The following DPP6 variants were observed in gnomAD, a reference collection of about 807,000 sequenced individuals.
DPP6 encodes A-type potassium channel modulatory protein DPP6.
In DPP6, 69 loss-of-function variants were observed where a neutral mutation model predicts 122.6. The ratio of observed to expected loss-of-function variants is 0.56; its 90% CI spans 0.46 to 0.69. The LOEUF (loss-of-function observed/expected upper bound fraction) is 0.69, where lower values mean the gene tolerates loss of function less well. DPP6 is among the 30% of genes least tolerant of loss of function. DPP6 has a pLI of 0.00. For synonymous variants in DPP6, 418 were observed against 433.1 expected (o/e 0.97, Z 0.43); for missense variants, 928 against 1,116.9 (o/e 0.83, Z 2.41).
chr7:154,626,297 A>G (rs2130876755), intron 5 of DPP6, among the ~76,000 whole-genome samples: 1 of 152,350 alleles, frequency 6.6e-6, no homozygotes, highest in East Asian at 1.9e-4. Context: ...CTATTTCTGG[A>G]TGTCACAGAT....
intron 5 of DPP6, among the ~76,000 whole-genome samples, chr7:154,576,879 C>G (rs1486126907): frequency 6.6e-6 from 1 of 152,052 alleles, no homozygotes; most frequent in African/African-American, 2.4e-5. Flanking sequence ...TCAGAAACAC[C>G]GGGTCTGGGA....
At chr7:153,817,182 C>G in the DPP6 span, among the ~76,000 whole-genome samples, 1 of 148,112 alleles carries the variant, frequency 6.8e-6, no homozygotes, top group East Asian at 2.0e-4. Context: ...CTGCCTCCAA[C>G]TAAATTTAGG....
intron 1 of DPP6, among the ~76,000 whole-genome samples, chr7:154,443,022 C>T (rs755271492): frequency 1.9e-4 from 29 of 152,174 alleles, no homozygotes; most frequent in Non-Finnish European, 3.1e-4. Context: ...GCACCTGGCC[C>T]TCAGGCTCTG....
intron 1 of DPP6, among the ~76,000 whole-genome samples, chr7:154,364,996 C>A (rs761921993): frequency 6.6e-6 from 1 of 152,212 alleles, no homozygotes; most frequent in African/African-American, 2.4e-5. Context: ...AATCTACAGA[C>A]AACCCAGAGA....
chr7:153,968,811 C>G (rs1795879514), intron 1 of DPP6: 1 of 151,290 alleles, frequency 6.6e-6, no homozygotes, highest in African/African-American at 2.5e-5. Context: ...CCAAAAACAA[C>G]TATCATTCCG....
chr7:154,180,497 GATAT>G (rs1798026235), intron 1 of DPP6, among the ~76,000 whole-genome samples: 1 of 140,938 alleles, frequency 7.1e-6, no homozygotes. Flanking sequence ...AATAGATATA[GATAT>G]ATAAATAAAT....
chr7:153,769,504 G>A, the DPP6 span, among the ~76,000 whole-genome samples: 1 of 152,160 alleles, frequency 6.6e-6, no homozygotes, highest in Non-Finnish European at 1.5e-5. Flanking sequence ...TAGTTTGGAG[G>A]AAAATGTAAT....
chr7:154,547,566 C>T (rs1158586734), intron 4 of DPP6, among the ~76,000 whole-genome samples: 2 of 152,144 alleles, frequency 1.3e-5, no homozygotes, highest in Admixed American at 6.5e-5. Flanking sequence ...GAGTTTGAAA[C>T]CCCTTTTAGT....
chr7:154,772,966 CCAA>C, intron 10 of DPP6, 24 bp downstream of exon 10: 1 of 1,341,676 alleles, frequency 7.5e-7, no homozygotes, highest in African/African-American at 2.0e-5. Flanking sequence ...TATTATGTTA[CCAA>C]AAAAAAAAAA....
At chr7:154,850,077 G>A (rs151324217) in intron 16 of DPP6, among the ~76,000 whole-genome samples, 3,070 of 152,222 alleles carry the variant, frequency 0.02, 59 homozygotes, top group Middle Eastern at 0.044. Flanking sequence ...AGGAATCAGT[G>A]GTATTTGGTT....
chr7:154,762,428 C>T (rs555998251), intron 8 of DPP6, among the ~76,000 whole-genome samples: 2 of 152,200 alleles, frequency 1.3e-5, no homozygotes, highest in Non-Finnish European at 2.9e-5. Context: ...CATGAATAAC[C>T]CCTAACCACA....
the DPP6 span, among the ~76,000 whole-genome samples, chr7:153,879,742 G>A: frequency 2.6e-5 from 4 of 152,092 alleles, no homozygotes; most frequent in Non-Finnish European, 4.4e-5. Context: ...TCTATAACTC[G>A]TTGTAAACAA....
At chr7:154,023,318 G>GCACGCACACGCA (rs373378162) in intron 1 of DPP6, among the ~76,000 whole-genome samples, 306 of 129,612 alleles carry the variant, frequency 2.4e-3, no homozygotes, top group South Asian at 7.5e-3. Context: ...TTTCTTGTCT[G>GCACGCACACGCA]CACACACACA....
chr7:154,181,414 C>T (rs763073789), intron 1 of DPP6, among the ~76,000 whole-genome samples: 1 of 152,130 alleles, frequency 6.6e-6, no homozygotes. Context: ...CAGAAATTCC[C>T]TAGTGTTCTG....
intron 1 of DPP6, among the ~76,000 whole-genome samples, chr7:153,897,280 C>T (rs1239515976): frequency 1.3e-5 from 2 of 152,150 alleles, no homozygotes; most frequent in Non-Finnish European, 1.5e-5. Flanking sequence ...CAGAAATTAT[C>T]TTCTTTCCAG....
At chr7:154,181,666 T>A (rs1202225937) in intron 1 of DPP6, among the ~76,000 whole-genome samples, 1 of 152,128 alleles carries the variant, frequency 6.6e-6, no homozygotes, top group African/African-American at 2.4e-5. Flanking sequence ...GGACCCCTTA[T>A]CTCTCTGTGT....
At chr7:154,514,288 AT>A (rs1563787881) in intron 3 of DPP6, among the ~76,000 whole-genome samples, 1 of 152,170 alleles carries the variant, frequency 6.6e-6, no homozygotes, top group Non-Finnish European at 1.5e-5. Flanking sequence ...AAAGAAAAAA[AT>A]AAATGGGTTA....
At chr7:153,967,872 A>G (rs1265238376) in intron 1 of DPP6, among the ~76,000 whole-genome samples, 1 of 151,934 alleles carries the variant, frequency 6.6e-6, no homozygotes, top group Non-Finnish European at 1.5e-5. Context: ...AGTGAGTCCT[A>G]TCTGTAAAGG....
chr7:154,878,872 G>A (rs1393140520), intron 20 of DPP6, among the ~76,000 whole-genome samples: 1 of 152,232 alleles, frequency 6.6e-6, no homozygotes, highest in Admixed American at 6.5e-5. Context: ...TGGGTCATGT[G>A]CTAAGGAGCA....
Sources: gnomAD v4.1 joint callset for allele counts (sites outside exome capture counted in the v4.1 genomes callset) on GRCh38, gnomAD v4.1.1 for gene constraint, MANE v1.5 for transcripts, NCBI Gene and HGNC (gene_info 2026-07-23, HGNC 2026-07-21) for gene names.